The following KIAA1217 variants were observed in gnomAD, a reference collection of about 807,000 sequenced individuals.
KIAA1217 encodes the protein KIAA1217.
KIAA1217 carries 88 observed loss-of-function variants against 163.9 expected under a neutral mutation model. The observed-to-expected ratio is 0.54, with a 90% CI of 0.45 to 0.64. KIAA1217 has a LOEUF of 0.64. Ranked by LOEUF, KIAA1217 falls within the 30% of genes least tolerant of loss-of-function variation. The pLI, the probability that KIAA1217 is intolerant of heterozygous loss-of-function variation, is 0.00. For missense variants in KIAA1217, 2,372 were observed against 2,475.0 expected (o/e 0.96, Z 0.88); for synonymous variants, 903 against 923.1 (o/e 0.98, Z 0.39).
intron 2 of KIAA1217, among the ~76,000 whole-genome samples, chr10:24,169,776 G>A (rs181809149): frequency 6.6e-6 from 1 of 152,074 alleles, no homozygotes; most frequent in African/African-American, 2.4e-5. Flanking sequence ...TCCCAGTCTG[G>A]GTCATCATCT....
intron 1 of KIAA1217, among the ~76,000 whole-genome samples, chr10:23,878,575 TG>T (rs1840811635): frequency 6.6e-6 from 1 of 151,932 alleles, no homozygotes; most frequent in Non-Finnish European, 1.5e-5. Context: ...TGTGTCAGAT[TG>T]TGATAAATGC....
intron 2 of KIAA1217, among the ~76,000 whole-genome samples, chr10:24,315,068 T>C (rs1356803212): frequency 6.6e-6 from 1 of 152,186 alleles, no homozygotes; most frequent in African/African-American, 2.4e-5. Flanking sequence ...TGGGACCCAC[T>C]GATACCCTGG....
chr10:24,114,866 T>G (rs2131754284), intron 2 of KIAA1217, among the ~76,000 whole-genome samples: 1 of 152,346 alleles, frequency 6.6e-6, no homozygotes, highest in Admixed American at 6.5e-5. Flanking sequence ...CCCCACTTGC[T>G]AACTACGCCA....
intron 1 of KIAA1217, among the ~76,000 whole-genome samples, chr10:23,754,082 A>G (rs1427074724): frequency 3.3e-5 from 5 of 152,174 alleles, no homozygotes; most frequent in African/African-American, 4.8e-5. Context: ...CTTTCTGGGT[A>G]TCTGCCAGGC....
intron 1 of KIAA1217, among the ~76,000 whole-genome samples, chr10:23,996,494 C>T (rs556739290): frequency 1.3e-5 from 2 of 152,156 alleles, no homozygotes; most frequent in African/African-American, 4.8e-5. Context: ...ACTGTGTATC[C>T]AACACCTGTC....
chr10:24,134,713 A>G (rs997995979), intron 2 of KIAA1217, among the ~76,000 whole-genome samples: 5 of 152,144 alleles, frequency 3.3e-5, no homozygotes, highest in African/African-American at 1.2e-4. Context: ...AGCTGGGACT[A>G]TAGGCACAAG....
At chr10:24,085,596 C>G (rs1480228657) in intron 2 of KIAA1217, among the ~76,000 whole-genome samples, 1 of 152,030 alleles carries the variant, frequency 6.6e-6, no homozygotes, top group African/African-American at 2.4e-5. Context: ...CCTGGAAAGT[C>G]TCTAGCACCC....
intron 1 of KIAA1217, among the ~76,000 whole-genome samples, chr10:23,946,891 A>G (rs1291875690): frequency 6.6e-6 from 1 of 152,210 alleles, no homozygotes; most frequent in African/African-American, 2.4e-5. Flanking sequence ...TAGTTCCTAC[A>G]ATCCCCACGT....
chr10:24,465,451 CA>C (rs1209649957), intron 5 of KIAA1217, among the ~76,000 whole-genome samples: 1 of 152,208 alleles, frequency 6.6e-6, no homozygotes, highest in African/African-American at 2.4e-5. Flanking sequence ...TCAGCAAGAA[CA>C]ACCTCTAAAA....
intron 5 of KIAA1217, among the ~76,000 whole-genome samples, chr10:24,453,315 C>T (rs139213250): frequency 6.6e-6 from 1 of 152,348 alleles, no homozygotes; most frequent in African/African-American, 2.4e-5. Context: ...TGAGTCCAGC[C>T]AGCTTTCGCT....
intron 3 of KIAA1217, among the ~76,000 whole-genome samples, chr10:24,427,281 G>A (rs998464226): frequency 2.6e-5 from 4 of 151,242 alleles, no homozygotes; most frequent in Non-Finnish European, 4.4e-5. Flanking sequence ...AGGTAAAGAC[G>A]GGAATCTTTT....
intron 2 of KIAA1217, among the ~76,000 whole-genome samples, chr10:24,291,292 G>A (rs2079066285): frequency 6.6e-6 from 1 of 152,184 alleles, no homozygotes; most frequent in Admixed American, 6.5e-5. Context: ...ACTTTGAGAG[G>A]CTGAGGCGGG....
chr10:23,862,664 C>G (rs1022994861), intron 1 of KIAA1217, among the ~76,000 whole-genome samples: 1 of 151,894 alleles, frequency 6.6e-6, no homozygotes, highest in African/African-American at 2.4e-5. Context: ...TGTTAAATTA[C>G]TGGAGAACAA....
intron 1 of KIAA1217, among the ~76,000 whole-genome samples, chr10:23,699,678 G>A (rs899227931): frequency 6.6e-6 from 1 of 152,024 alleles, no homozygotes; most frequent in Non-Finnish European, 1.5e-5. Flanking sequence ...AGGCTGGAGT[G>A]CACCATTTCA....
intron 2 of KIAA1217, among the ~76,000 whole-genome samples, chr10:24,274,814 T>A (rs994602620): frequency 1.3e-5 from 2 of 152,208 alleles, no homozygotes; most frequent in Non-Finnish European, 2.9e-5. Context: ...CTAATGCACT[T>A]ATTTTTTGTG....
intron 2 of KIAA1217, among the ~76,000 whole-genome samples, chr10:24,168,446 A>C (rs2065460778): frequency 6.6e-6 from 1 of 152,230 alleles, no homozygotes; most frequent in Admixed American, 6.5e-5. Flanking sequence ...ACTCTTAAGC[A>C]GAAGCTGAAA....
intron 1 of KIAA1217, among the ~76,000 whole-genome samples, chr10:23,798,927 C>CA (rs1361144039): frequency 6.6e-6 from 1 of 152,140 alleles, no homozygotes; most frequent in East Asian, 1.9e-4. Flanking sequence ...CAAACAACAA[C>CA]AAAAAATATA....
chr10:24,372,027 A>G (rs955771383), intron 2 of KIAA1217, among the ~76,000 whole-genome samples: 2 of 152,298 alleles, frequency 1.3e-5, no homozygotes, highest in Admixed American at 6.5e-5. Flanking sequence ...TAAAGATGGC[A>G]ATAATAGACA....
intron 2 of KIAA1217, among the ~76,000 whole-genome samples, chr10:24,127,994 C>A (rs966069203): frequency 7.2e-5 from 11 of 152,156 alleles, no homozygotes; most frequent in African/African-American, 2.7e-4. Context: ...TCTTCTCATA[C>A]TCAATACCCA....
Sources: gnomAD v4.1 joint callset for allele counts (sites outside exome capture counted in the v4.1 genomes callset) on GRCh38, gnomAD v4.1.1 for gene constraint, MANE v1.5 for transcripts, NCBI Gene and HGNC (gene_info 2026-07-23, HGNC 2026-07-21) for gene names.